CNBD1: variants seen among roughly 807,000 people sequenced by gnomAD.
CNBD1 encodes the protein cyclic nucleotide-binding domain-containing protein 1.
CNBD1 carries 71 observed loss-of-function variants against 54.4 expected under a neutral mutation model. That is an observed-to-expected ratio of 1.30 (90% CI 1.08 to 1.59). The LOEUF is 1.59. Ranked by LOEUF, CNBD1 falls within the 40% of genes most tolerant of loss-of-function variation. CNBD1 has a pLI of 0.00. For missense variants in CNBD1, 659 were observed against 518.0 expected (o/e 1.27, Z -2.64); for synonymous variants, 182 against 170.7 (o/e 1.07, Z -0.51).
rs58578471 is a variant in CNBD1 at position 87,357,462 on chromosome 8, C to A, written c.1303+3676C>A. Among the ~76,000 whole-genome samples, 1,041 of 152,316 alleles carry A rather than the reference C, an allele frequency of 6.8e-3. 10 individuals are homozygous for A. The highest frequency in any genetic ancestry group is 0.024 in the African/African-American group (983 of 41,584). On this transcript the variant is annotated intron_variant, in intron 10 of 10. Transcript: ENST00000518476. ...CCAGTGTACCCATAATTAGAGTCAA[C>A]AGAGACGATTTTGGAGCTTTAAAAT...
intron 6 of CNBD1, among the ~76,000 whole-genome samples, chr8:87,242,715 C>T (rs976833574): frequency 3.3e-5 from 5 of 152,138 alleles, no homozygotes; most frequent in Non-Finnish European, 1.5e-5. Flanking sequence ...TTCTTAAGAC[C>T]TCTTGAGACT....
At chr8:86,870,915 A>G (rs1387198431) in intron 1 of CNBD1, among the ~76,000 whole-genome samples, 2 of 152,208 alleles carry the variant, frequency 1.3e-5, no homozygotes, top group African/African-American at 2.4e-5. Flanking sequence ...ATAATCAATG[A>G]TAGTCCCAAT....
At chr8:87,425,902 G>T (rs1486140586) in intron 2 of CNBD1, among the ~76,000 whole-genome samples, 3 of 152,112 alleles carry the variant, frequency 2.0e-5, no homozygotes, top group South Asian at 2.1e-4. Flanking sequence ...GCAATGGCGG[G>T]CGCCCCTCCC....
At chr8:87,310,381 T>G (rs1280165317) in intron 8 of CNBD1, among the ~76,000 whole-genome samples, 3 of 151,502 alleles carry the variant, frequency 2.0e-5, no homozygotes, top group African/African-American at 7.3e-5. Context: ...ATTTACAATA[T>G]CCACACAAAA....
At chr8:86,905,545 A>G (rs187573324) in intron 3 of CNBD1, among the ~76,000 whole-genome samples, 1 of 152,170 alleles carries the variant, frequency 6.6e-6, no homozygotes, top group Non-Finnish European at 1.5e-5. Flanking sequence ...TGGGTGGAGG[A>G]TATTTGGAGG....
At chr8:87,298,298 T>A (rs986715783) in intron 8 of CNBD1, among the ~76,000 whole-genome samples, 2 of 151,860 alleles carry the variant, frequency 1.3e-5, no homozygotes, top group African/African-American at 4.8e-5. Context: ...AGTATTCCCC[T>A]CCCCTCAAGA....
chr8:87,064,705 A>G (rs1237641714), intron 4 of CNBD1, among the ~76,000 whole-genome samples: 2 of 151,728 alleles, frequency 1.3e-5, no homozygotes, highest in African/African-American at 4.8e-5. Context: ...AAATGTTATT[A>G]TTTACTTTTA....
intron 10 of CNBD1, among the ~76,000 whole-genome samples, chr8:87,373,214 C>T (rs948923385): frequency 5.3e-5 from 8 of 151,676 alleles, no homozygotes; most frequent in African/African-American, 1.7e-4. Context: ...GACTTTTCTG[C>T]AAATGATGAT....
chr8:86,995,040 T>A (rs1359933846), intron 4 of CNBD1, among the ~76,000 whole-genome samples: 1 of 152,116 alleles, frequency 6.6e-6, no homozygotes, highest in East Asian at 1.9e-4. Flanking sequence ...TGTATGAGGA[T>A]CTTTAGATGA....
chr8:86,984,201 A>G (rs997732378), intron 4 of CNBD1, among the ~76,000 whole-genome samples: 12 of 152,162 alleles, frequency 7.9e-5, no homozygotes, highest in Non-Finnish European at 1.6e-4. Flanking sequence ...GGCAGCTTCC[A>G]CATGATATTG....
chr8:87,098,635 C>T (rs1811363188), intron 4 of CNBD1, among the ~76,000 whole-genome samples: 1 of 151,502 alleles, frequency 6.6e-6, no homozygotes, highest in African/African-American at 2.4e-5. Context: ...AAAGATCAAA[C>T]AGAAGCCACA....
chr8:87,405,025 C>T (rs1807629553), intron 2 of CNBD1, among the ~76,000 whole-genome samples: 2 of 151,932 alleles, frequency 1.3e-5, no homozygotes, highest in South Asian at 4.1e-4. Context: ...AGTCATAAAA[C>T]TGCTATCTTA....
chr8:87,024,240 A>G (rs1291576679), intron 4 of CNBD1, among the ~76,000 whole-genome samples: 1 of 118,612 alleles, frequency 8.4e-6, no homozygotes, highest in African/African-American at 3.6e-5. Context: ...CTCCATCTCA[A>G]AAAAAAAGAA....
chr8:87,325,276 T>C (rs1381094042), intron 8 of CNBD1, among the ~76,000 whole-genome samples: 1 of 95,480 alleles, frequency 1.0e-5, no homozygotes, highest in East Asian at 2.1e-4. Flanking sequence ...GAATGTATAT[T>C]CTGTTGATTT....
chr8:87,184,831 C>T (rs1341414644), intron 4 of CNBD1, among the ~76,000 whole-genome samples: 1 of 152,144 alleles, frequency 6.6e-6, no homozygotes, highest in Non-Finnish European at 1.5e-5. Context: ...GAAGCTCTTC[C>T]TGGCTGTGTC....
At chr8:87,358,474 A>G (rs1435153401) in intron 10 of CNBD1, among the ~76,000 whole-genome samples, 1 of 152,048 alleles carries the variant, frequency 6.6e-6, no homozygotes, top group Non-Finnish European at 1.5e-5. Flanking sequence ...TTCTTTTCCT[A>G]TATAAATGAT....
At chr8:87,368,350 A>C (rs986778107) in intron 10 of CNBD1, among the ~76,000 whole-genome samples, 1 of 152,046 alleles carries the variant, frequency 6.6e-6, no homozygotes, top group Non-Finnish European at 1.5e-5. Context: ...TTAATAAAAA[A>C]GTAGATTGGG....
intron 4 of CNBD1, among the ~76,000 whole-genome samples, chr8:87,040,924 G>A (rs1458431701): frequency 6.6e-6 from 1 of 151,822 alleles, no homozygotes; most frequent in African/African-American, 2.4e-5. Context: ...TATGTTGTAT[G>A]TCATTACACT....
chr8:87,174,852 A>G (rs1813165561), intron 4 of CNBD1, among the ~76,000 whole-genome samples: 1 of 152,158 alleles, frequency 6.6e-6, no homozygotes, highest in African/African-American at 2.4e-5. Flanking sequence ...GTGGTCATGG[A>G]TAAGTTCAGG....
Sources: allele counts gnomAD v4.1 joint callset (sites outside exome capture counted in the v4.1 genomes callset), GRCh38; gene constraint gnomAD v4.1.1; transcripts MANE v1.5; gene names NCBI Gene and HGNC (gene_info 2026-07-23, HGNC 2026-07-21).